Variants in NXPE4 observed in about 807,000 individuals in gnomAD.
NXPE4 encodes the protein NXPE family member 4.
A neutral mutation model predicts 33.3 loss-of-function variants in NXPE4; 42 were observed. That is an observed-to-expected ratio of 1.26 (90% CI 0.98 to 1.63). The LOEUF (loss-of-function observed/expected upper bound fraction) is 1.63, where lower values mean the gene tolerates loss of function less well. Among genes scored for constraint, NXPE4 ranks in the 40% most tolerant of loss-of-function variants. The pLI is 0.00. For missense variants in NXPE4, 709 were observed against 647.6 expected (o/e 1.09, Z -1.03); for synonymous variants, 253 against 234.9 (o/e 1.08, Z -0.71).
At chr11:114,665,358 A>G in the NXPE4 span, among the ~76,000 whole-genome samples, 1 of 152,168 alleles carries the variant, frequency 6.6e-6, no homozygotes, top group South Asian at 2.1e-4. Context: ...TCTATTAACA[A>G]TGATGTTCTG....
At chr11:114,674,812 A>T in the NXPE4 span, among the ~76,000 whole-genome samples, 1 of 151,890 alleles carries the variant, frequency 6.6e-6, no homozygotes, top group Non-Finnish European at 1.5e-5. Flanking sequence ...GATGACCAGC[A>T]TTGTCCCGAT....
intron 5 of NXPE4, among the ~76,000 whole-genome samples, chr11:114,572,682 A>C (rs888759472): frequency 6.6e-6 from 1 of 152,188 alleles, no homozygotes; most frequent in African/African-American, 2.4e-5. Flanking sequence ...GATTTTAAAA[A>C]ATGAACAAAG....
At chr11:114,579,328 C>T (rs1949084291) in intron 5 of NXPE4, among the ~76,000 whole-genome samples, 1 of 152,190 alleles carries the variant, frequency 6.6e-6, no homozygotes, top group Admixed American at 6.5e-5. Flanking sequence ...TAGGTCCCAC[C>T]TCCAGTGTTG....
At chr11:114,653,951 C>G in the NXPE4 span, among the ~76,000 whole-genome samples, 237 of 152,172 alleles carry the variant, frequency 1.6e-3, 3 homozygotes, top group Middle Eastern at 0.017. Context: ...AACATGAGTT[C>G]CAGTTAGCCA....
chr11:114,653,606 C>CA, the NXPE4 span, among the ~76,000 whole-genome samples: 150 of 145,980 alleles, frequency 1.0e-3, 1 homozygote, highest in Admixed American at 8.6e-3. Context: ...CGGCTCACTG[C>CA]AAGCTTCAAC....
chr11:114,658,503 G>T, the NXPE4 span, among the ~76,000 whole-genome samples: 1 of 152,162 alleles, frequency 6.6e-6, no homozygotes, highest in African/African-American at 2.4e-5. Flanking sequence ...CAGGCCTGGA[G>T]GGGGAGGGTA....
At chr11:114,621,101 G>A in the NXPE4 span, among the ~76,000 whole-genome samples, 4 of 152,132 alleles carry the variant, frequency 2.6e-5, no homozygotes, top group African/African-American at 9.7e-5. Flanking sequence ...TGGCACATGG[G>A]AAACCACTGT....
chr11:114,628,280 C>G, the NXPE4 span, among the ~76,000 whole-genome samples: 1 of 150,820 alleles, frequency 6.6e-6, no homozygotes, highest in Non-Finnish European at 1.5e-5. Flanking sequence ...ATAAACCTCT[C>G]CTCAGAAAAT....
At chr11:114,607,173 G>A in the NXPE4 span, among the ~76,000 whole-genome samples, 1 of 151,214 alleles carries the variant, frequency 6.6e-6, no homozygotes, top group Non-Finnish European at 1.5e-5. Flanking sequence ...GATAATCAGT[G>A]TTGCATCGTG....
chr11:114,581,808 A>AT, intron 3 of NXPE4, 22 bp from the exon 4 acceptor site: 1 of 1,540,798 alleles, frequency 6.5e-7, no homozygotes, highest in Non-Finnish European at 8.9e-7. Context: ...AAATACAGAA[A>AT]TTAATCTGTA....
At chr11:114,633,863 A>T in the NXPE4 span, among the ~76,000 whole-genome samples, 1 of 151,962 alleles carries the variant, frequency 6.6e-6, no homozygotes, top group Non-Finnish European at 1.5e-5. Context: ...CCAGTCTATC[A>T]TTTTTGGATA....
chr11:114,578,582 A>T (rs2135209002), intron 5 of NXPE4, among the ~76,000 whole-genome samples: 1 of 152,160 alleles, frequency 6.6e-6, no homozygotes, highest in Middle Eastern at 3.4e-3. Context: ...GGCCCTACCA[A>T]TTTTCCCACT....
At chr11:114,671,950 G>A in the NXPE4 span, among the ~76,000 whole-genome samples, 1 of 152,032 alleles carries the variant, frequency 6.6e-6, no homozygotes, top group Admixed American at 6.6e-5. Flanking sequence ...TTATGTTTCT[G>A]TAGGCTGTAC....
chr11:114,571,165 C>T lies in NXPE4; in HGVS notation c.1408G>A (p.Val470Ile). 1 of 1,613,944 alleles carries T rather than the reference C, an allele frequency of 6.2e-7. No individual in the cohort carries two copies. The highest frequency in any genetic ancestry group is 8.5e-7 in the Non-Finnish European group (1 of 1,179,934). Residue 470 changes from valine to isoleucine, a missense_variant, in exon 6 of 6, where the codon GTT becomes ATT. Physicochemically the swap from Val to Ile is conservative, Grantham distance 29. Coordinates refer to ENST00000375478, the MANE Select transcript of NXPE4 (RefSeq NM_001077639.2). ...HLLLRSPDTM[V>I]IIKTENIREM... ...CTGATGTTTTCTGTTTTGATGATAA[C>T]CATAGTGTCTGGGCTTCTCAGAAGA... is the stretch of plus-strand genomic sequence containing the variant.
At chr11:114,577,735 C>A (rs1012826443) in intron 5 of NXPE4, among the ~76,000 whole-genome samples, 1 of 152,036 alleles carries the variant, frequency 6.6e-6, no homozygotes, top group African/African-American at 2.4e-5. Flanking sequence ...AGACTAAGCT[C>A]ATTTGAGGCT....
At chr11:114,571,819 G>T (rs1948894751) in intron 5 of NXPE4, among the ~76,000 whole-genome samples, 1 of 152,148 alleles carries the variant, frequency 6.6e-6, no homozygotes. Context: ...GAAGGAACAG[G>T]ATCACCACTG....
At chr11:114,650,114 A>C in the NXPE4 span, among the ~76,000 whole-genome samples, 42 of 152,332 alleles carry the variant, frequency 2.8e-4, 1 homozygote, top group African/African-American at 1.0e-3. Context: ...TAACTTTCTC[A>C]AATACATCAT....
the NXPE4 span, among the ~76,000 whole-genome samples, chr11:114,645,493 A>C: frequency 5.3e-5 from 8 of 152,136 alleles, no homozygotes; most frequent in Non-Finnish European, 1.0e-4. Context: ...AAAAACCAAA[A>C]ACAAAAACAT....
the NXPE4 span, among the ~76,000 whole-genome samples, chr11:114,667,500 T>C: frequency 6.6e-6 from 1 of 152,070 alleles, no homozygotes; most frequent in Admixed American, 6.6e-5. Flanking sequence ...CCCCACCTCT[T>C]GAGTAATAAT....
Sources: gnomAD v4.1 joint callset for allele counts (sites outside exome capture counted in the v4.1 genomes callset) on GRCh38, gnomAD v4.1.1 for gene constraint, MANE v1.5 for transcripts, NCBI Gene and HGNC (gene_info 2026-07-23, HGNC 2026-07-21) for gene names.